Variants in MAN2B2 observed in about 807,000 individuals in gnomAD.
MAN2B2 encodes epididymis-specific alpha-mannosidase.
In MAN2B2, 106 loss-of-function variants were observed where a neutral mutation model predicts 117.1. That is an observed-to-expected ratio of 0.90 (90% confidence interval 0.77 to 1.06). The LOEUF (loss-of-function observed/expected upper bound fraction) is 1.06. Among genes scored for constraint, MAN2B2 ranks in the 50% least tolerant of loss-of-function variants. MAN2B2 has a pLI of 0.00. For missense variants in MAN2B2, 1,326 were observed against 1,381.4 expected (o/e 0.96, Z 0.64); for synonymous variants, 544 against 595.1 (o/e 0.91, Z 1.25).
chr4:6,614,099 A>G (rs1711731871), intron 15 of MAN2B2, 119 bp from the exon 16 acceptor site: 1 of 1,312,224 alleles, frequency 7.6e-7, no homozygotes, highest in Non-Finnish European at 1.1e-6. Context: ...TAGGCTACCC[A>G]CAAGGATGCA....
intron 18 of MAN2B2, 179 bp from the exon 19 acceptor site, chr4:6,621,009 G>A: frequency 1.8e-6 from 1 of 568,152 alleles, no homozygotes. Flanking sequence ...ACAGCAGACT[G>A]TAGCCAGGTG....
intron 11 of MAN2B2, 52 bp from the exon 12 acceptor site, chr4:6,609,055 G>C (rs371503516): frequency 2.5e-5 from 39 of 1,545,630 alleles, no homozygotes; most frequent in Non-Finnish European, 3.3e-5. Flanking sequence ...GCCGGTGTCT[G>C]TAAGACCTTG....
rs2108742811 is a variant in MAN2B2, at chr4:6,593,309, A to C, written c.817A>C (p.Arg273=). 2 of 1,613,778 alleles carry C rather than the reference A, an allele frequency of 1.2e-6. No individual in the cohort carries two copies. The highest frequency in any genetic ancestry group is 4.5e-5 in the East Asian group (2 of 44,866). Residue 273 remains arginine, a synonymous_variant, in exon 6 of 19, where the codon AGG becomes CGG. Transcript: ENST00000285599. ...AEALVANVKQ[R]AAWFRTPHVL... is the part of the protein sequence containing the mutation. ...GGCCCTGGTGGCCAACGTGAAGCAG[A>C]GGGCCGCCTGGTTCCGGACACCGCA...
At chr4:6,613,804 A>G in intron 15 of MAN2B2, among the ~76,000 whole-genome samples, 1 of 133,288 alleles carries the variant, frequency 7.5e-6, no homozygotes, top group Non-Finnish European at 1.6e-5. Flanking sequence ...AGAAAGGAAG[A>G]GGGAGGAGGA....
intron 9 of MAN2B2, among the ~76,000 whole-genome samples, chr4:6,599,842 C>G (rs997502569): frequency 2.6e-5 from 4 of 152,238 alleles, no homozygotes; most frequent in African/African-American, 4.8e-5. Flanking sequence ...GGAAGGCCCC[C>G]TGGCCTCAGG....
chr4:6,595,717 G>A (rs985828556), intron 7 of MAN2B2, among the ~76,000 whole-genome samples: 3 of 152,212 alleles, frequency 2.0e-5, no homozygotes, highest in Admixed American at 6.5e-5. Context: ...ATTTTAACAT[G>A]GGTTTTGGAG....
At position 6,593,167 on chromosome 4, in the gene MAN2B2, G is replaced by A. The variant is rs370560644; in HGVS notation, c.681-6G>A. 1.2e-5 allele frequency: 19 copies of A among 1,612,904 alleles called. No individual in the cohort carries two copies. Among genetic ancestry groups the A allele is most frequent in the African/African-American group, 4.0e-5 (3 of 74,904 alleles). On this transcript the variant is annotated splice_region_variant and splice_polypyrimidine_tract_variant and intron_variant, in intron 5 of 18. Coordinates refer to ENST00000285599, the MANE Select transcript of MAN2B2 (RefSeq NM_015274.3). ...TCTTCTGCCCTAACCTTCTGCCCTC[G>A]CACAGGTCAGGATTTTACTGGAATG... is the stretch of plus-strand genomic sequence containing the variant.
rs370842363 is a variant in MAN2B2 at position 6,594,756 on chromosome 4, T to A, written c.1057+24T>A. The stretch of plus-strand genomic sequence containing the variant: ...AGGTACAGGCTTCCAGGGGCTGGGG[T>A]GGTAGTTTGGTGGCAGGGAGGGTAT... On this transcript the variant is annotated intron_variant, in intron 7 of 18. Coordinates refer to ENST00000285599, the MANE Select transcript of MAN2B2 (RefSeq NM_015274.3). The A allele has an allele frequency of 1.2e-3, 1,982 of 1,589,292 alleles. 5 individuals carry two copies. The highest frequency in any genetic ancestry group is 1.6e-3 in the Non-Finnish European group (1,826 of 1,169,572).
chr4:6,605,971 A>C (rs981230767), intron 11 of MAN2B2, among the ~76,000 whole-genome samples: 38 of 152,202 alleles, frequency 2.5e-4, no homozygotes, highest in Admixed American at 6.5e-4. Context: ...TGGACATCAG[A>C]GTGGGCAGCT....
chr4:6,575,514 C>G (rs1443554624), intron 1 of MAN2B2, among the ~76,000 whole-genome samples, 166 bp downstream of exon 1: 1 of 152,266 alleles, frequency 6.6e-6, no homozygotes, highest in Admixed American at 6.5e-5. Flanking sequence ...AACTTCGGGC[C>G]AGTCACTTCC....
intron 15 of MAN2B2, among the ~76,000 whole-genome samples, chr4:6,613,629 G>C (rs1360715338): frequency 2.1e-5 from 3 of 146,288 alleles, no homozygotes; most frequent in Admixed American, 6.9e-5. Context: ...GGAGGGGAGG[G>C]GAGGGGAGGG....
chr4:6,582,416 G>A (rs891520388), intron 3 of MAN2B2, among the ~76,000 whole-genome samples: 8 of 152,116 alleles, frequency 5.3e-5, no homozygotes, highest in Admixed American at 6.5e-5. Flanking sequence ...TCGGCTCACT[G>A]CAATCTCTAC....
intron 10 of MAN2B2, among the ~76,000 whole-genome samples, chr4:6,603,915 G>A (rs1437858540): frequency 6.6e-6 from 1 of 152,160 alleles, no homozygotes; most frequent in East Asian, 1.9e-4. Flanking sequence ...ATTATTGGGG[G>A]GGCCTCCCCA....
At position 6,621,528 on chromosome 4, in the gene MAN2B2, C is replaced by T. The variant is rs1164197708; in HGVS notation, c.*243C>T. The T allele has an allele frequency of 6.4e-6, 3 of 469,832 alleles. No homozygotes were observed. The highest frequency in any genetic ancestry group is 3.9e-5 in the African/African-American group (2 of 51,070). 29.1% of individuals were successfully genotyped at this position (469,832 alleles called of 1,614,324 possible). A position where few individuals can be genotyped will look rare whatever the true frequency, so the allele number is the denominator to read the frequency against. ...TCAAGCCAGCCCTCTCCTCTTCTGTCACGTAAAGGATATTTGGCACACTCA... is the reference window on the plus strand; with the variant it reads ...TCAAGCCAGCCCTCTCCTCTTCTGTTACGTAAAGGATATTTGGCACACTCA... On this transcript the variant is annotated 3_prime_UTR_variant, in exon 19 of 19. Coordinates refer to ENST00000285599, the MANE Select transcript of MAN2B2 (RefSeq NM_015274.3).
rs546373525 is a variant in MAN2B2, at chr4:6,622,573, C to G, written c.*1288C>G. The G allele has an allele frequency of 6.6e-6, 1 of 152,032 alleles. No homozygotes were observed. The highest frequency in any genetic ancestry group is 2.4e-5 in the African/African-American group (1 of 41,460). The allele number at this position is 152,032 out of a possible 1,614,324, so 9.4% of individuals were successfully genotyped here. A position where few individuals can be genotyped will look rare whatever the true frequency, so the allele number is the denominator to read the frequency against. On this transcript the variant is annotated 3_prime_UTR_variant, in exon 19 of 19. Coordinates refer to ENST00000285599, the MANE Select transcript of MAN2B2 (RefSeq NM_015274.3). ...CCAGCCTCTGCCTCCCGAGTAGCTG[C>G]TACTAGAGATGCACCACTGCGTCAG...
At position 6,614,204 on chromosome 4, in the gene MAN2B2, C is replaced by T. The variant is rs552208334; in HGVS notation, c.2564-14C>T. ...CCCCAAACCCTCTCCTCACTCTGTC[C>T]ATCTGCCTTGCAGGGACTGCGCCGA... On this transcript the variant is annotated splice_polypyrimidine_tract_variant and intron_variant, in intron 15 of 18. Coordinates refer to ENST00000285599, the MANE Select transcript of MAN2B2 (RefSeq NM_015274.3). The T allele has an allele frequency of 9.3e-6, 15 of 1,613,276 alleles. No individual in the cohort carries two copies. In the South Asian group the frequency reaches 1.3e-4, roughly 14 times the overall value.
Position 6,597,230 on chromosome 4 carries a change from C to A in MAN2B2, c.1175C>A (p.Pro392Gln). The A allele has an allele frequency of 6.2e-7, 1 of 1,606,334 alleles. No individual in the cohort carries two copies. The highest frequency in any genetic ancestry group is 8.5e-7 in the Non-Finnish European group (1 of 1,175,860). ...GESMFTRYLWPAPRGHLDPTW... is the reference protein window; with the variant it reads ...GESMFTRYLWQAPRGHLDPTW... Reference sequence around the variant, plus strand: ...TCCATGTTCACACGCTACCTGTGGCCGGCCCCCCGTGGGCATCTGGACCCC... The same window carrying A: ...TCCATGTTCACACGCTACCTGTGGCAGGCCCCCCGTGGGCATCTGGACCCC... The change falls in exon 8 of 19, where the codon CCG becomes CAG. Residue 392 changes from proline to glutamine, a missense_variant. Coordinates refer to ENST00000285599, the MANE Select transcript of MAN2B2 (RefSeq NM_015274.3).
At chr4:6,588,194 G>A (rs1040228213) in intron 4 of MAN2B2, among the ~76,000 whole-genome samples, 3 of 152,176 alleles carry the variant, frequency 2.0e-5, no homozygotes, top group Non-Finnish European at 2.9e-5. Context: ...TCTGGAGGCT[G>A]GAAGTCCAGG....
intron 3 of MAN2B2, 38 bp downstream of exon 3, chr4:6,578,536 A>G: frequency 6.4e-7 from 1 of 1,556,628 alleles, no homozygotes; most frequent in South Asian, 1.1e-5. Flanking sequence ...GTCCCTCAGG[A>G]CCTCCAGTGG....
Sources: gnomAD v4.1 joint callset for allele counts (sites outside exome capture counted in the v4.1 genomes callset) on GRCh38, gnomAD v4.1.1 for gene constraint, MANE v1.5 for transcripts, NCBI Gene and HGNC (gene_info 2026-07-23, HGNC 2026-07-21) for gene names.